Variants in SSR4 observed in about 807,000 individuals in gnomAD.
SSR4 encodes signal sequence receptor subunit 4, also known as translocon-associated protein subunit delta.
For missense variants in SSR4, 125 were observed against 148.8 expected, an observed-to-expected ratio of 0.84 and a Z score of 0.83; for synonymous variants, 84 against 65.6, an observed-to-expected ratio of 1.28 and a Z score of -1.35.
In SSR4 at chrX:153,796,508, G is replaced by A. The variant is rs782739266; in HGVS notation, c.142G>A (p.Val48Ile). The A allele has an allele frequency of 9.1e-6, 11 of 1,210,478 alleles. No homozygotes were observed. The highest frequency in any genetic ancestry group is 2.2e-5 in the Admixed American group (1 of 46,058). The change falls in exon 2 of 6, where the codon GTC (valine) becomes ATC (isoleucine). Residue 48 changes from valine (V) to isoleucine (I), a missense_variant. Transcript: ENST00000370086. ...TSDAVISTET[V>I]FIVEISLTCK... ...TGACGCTGTCATTTCCACTGAGACC[G>A]TCTTCATTGTGGAGATCTCCCTGAC...
chrX:153,798,286 ACCTGTACTCC>A (rs781944138), intron 5 of SSR4, 33 bp from the exon 6 acceptor site: 1 of 1,200,499 alleles, frequency 8.3e-7, no homozygotes, highest in Non-Finnish European at 1.1e-6. Flanking sequence ...TGGTCTGCTC[ACCTGTACTCC>A]CCTGAGCTGG....
chrX:153,794,389 G>A, upstream of SSR4: 3 of 1,153,158 alleles, frequency 2.6e-6, no homozygotes, highest in African/African-American at 1.8e-5. Context: ...AGAGTTCGAC[G>A]GGGTGCGAAG....
At chrX:153,797,267 C>A in intron 2 of SSR4, 191 bp from the exon 3 acceptor site, 1 of 450,044 alleles carries the variant, frequency 2.2e-6, no homozygotes, top group Non-Finnish European at 4.0e-6. Context: ...CTTGTGCCCC[C>A]GTAGGGAAGA....
chrX:153,798,297 C>G (rs1557073291), intron 5 of SSR4, 32 bp from the exon 6 acceptor site: 1 of 1,202,003 alleles, frequency 8.3e-7, no homozygotes, highest in African/African-American at 1.7e-5. Flanking sequence ...CCTGTACTCC[C>G]CTGAGCTGGC....
chrX:153,798,085 C>T lies in SSR4; in HGVS notation c.366C>T (p.Asn122=), dbSNP rs782276992. 3.1e-5 allele frequency: 32 copies of T among 1,022,831 alleles called. No homozygotes were observed. The East Asian group carries it at 8.4e-4, about 27-fold the overall frequency. The allele number at this position is 1,022,831 out of a possible 1,213,427, so 84.3% of individuals were successfully genotyped here. The change falls in exon 5 of 6, where the codon AAC becomes AAT. Residue 122 remains asparagine, a synonymous_variant. Coordinates refer to ENST00000370086, the MANE Select transcript of SSR4 (RefSeq NM_006280.3). ...CTCCCTTGCAGGCTCAGAGGAATAA[C>T]GAGGACATTTCCATCATCCCGCCTC... ...YSLLRKAQRN[N]EDISIIPPLF...
rs2092128660 is a variant in SSR4, at chrX:153,794,712, G to T, written c.25G>T (p.Ala9Ser). The T allele has an allele frequency of 8.3e-7, 1 of 1,212,018 alleles. No homozygotes were observed. Among genetic ancestry groups the T allele is most frequent in the Non-Finnish European group, 1.1e-6 (1 of 895,476 alleles). The change falls in exon 1 of 6, where the codon GCC becomes TCC. Residue 9 changes from alanine (A) to serine (S), a missense_variant. Ala to Ser is a moderately conservative substitution (Grantham distance 99, BLOSUM62 1). Transcript: ENST00000370086. The stretch of plus-strand genomic sequence containing the variant: ...GATGGCGGCGATGGCATCTCTCGGC[G>T]CCCTGGCGCTGCTCCTGCTGTCCAG... MAAMASLG[A>S]LALLLLSSLS... is the part of the protein sequence containing the mutation.
chrX:153,797,676 G>A, intron 3 of SSR4, 49 bp from the exon 4 acceptor site: 1 of 1,147,698 alleles, frequency 8.7e-7, no homozygotes, highest in South Asian at 1.8e-5. Context: ...TGGTCAGGGT[G>A]GCCCCTCCGT....
At chrX:153,795,842 A>G (rs2092136975) in intron 1 of SSR4, 1 of 754,921 alleles carries the variant, frequency 1.3e-6, no homozygotes, top group South Asian at 6.7e-5. Context: ...GCCTCTGGTT[A>G]TGGAGAAGGC....
At position 153,797,568 on chromosome X, in the gene SSR4, C is replaced by T. The variant is rs782117485; in HGVS notation, c.261+36C>T. The T allele has an allele frequency of 2.1e-4, 245 of 1,180,025 alleles. 2 individuals carry two copies. The East Asian group carries it at 6.4e-3, about 31-fold the overall frequency. On this transcript the variant is annotated intron_variant, in intron 3 of 5. Coordinates refer to ENST00000370086, the MANE Select transcript of SSR4 (RefSeq NM_006280.3). ...AATGGTTCCCTTGCTAGGGGGCTCC[C>T]TGCTCCCGGGTGTGACCTGAAGCCC...
upstream of SSR4, chrX:153,794,341 G>A (rs782574605): frequency 7.6e-6 from 9 of 1,186,314 alleles, no homozygotes; most frequent in South Asian, 1.1e-4. Flanking sequence ...GAAAGTGAGA[G>A]CCTCCGCACG....
In SSR4 at chrX:153,798,121, C is replaced by T. The variant is rs2092154034; in HGVS notation, c.402C>T (p.Val134=). The T allele has an allele frequency of 8.3e-7, 1 of 1,210,390 alleles. No homozygotes were observed. The highest frequency in any genetic ancestry group is 2.2e-5 in the Admixed American group (1 of 45,915). Reference sequence around the variant, plus strand: ...CCATCATCCCGCCTCTGTTTACAGTCAGCGTGGACCATCGGGTGAGTGGCC... The same window carrying T: ...CCATCATCCCGCCTCTGTTTACAGTTAGCGTGGACCATCGGGTGAGTGGCC... The part of the protein sequence containing the change: ...DISIIPPLFT[V]SVDHRGTWNG... Residue 134 remains valine (V), a synonymous_variant, in exon 5 of 6, where the codon GTC becomes GTT. Coordinates refer to ENST00000370086, the MANE Select transcript of SSR4 (RefSeq NM_006280.3).
In SSR4 at chrX:153,794,741, C is replaced by T; in HGVS notation, c.54C>T (p.Leu18=). The T allele has an allele frequency of 8.3e-7, 1 of 1,211,534 alleles. No homozygotes were observed. The highest frequency in any genetic ancestry group is 1.1e-6 in the Non-Finnish European group (1 of 895,287). ...TGGCGCTGCTCCTGCTGTCCAGCCTCTCCCGCTGCTCAGGTAGCGGCCCAG... is the reference window on the plus strand; with the variant it reads ...TGGCGCTGCTCCTGCTGTCCAGCCTTTCCCGCTGCTCAGGTAGCGGCCCAG... ...GALALLLLSS[L]SRCSAEACLE... is the part of the protein sequence containing the mutation. Residue 18 remains leucine, a synonymous_variant, in exon 1 of 6, where the codon CTC becomes CTT. Transcript: ENST00000370086.
chrX:153,794,300 G>A (rs1557071383), upstream of SSR4: 1 of 1,198,614 alleles, frequency 8.3e-7, no homozygotes, highest in Non-Finnish European at 1.1e-6. Context: ...CGGCGCTGCC[G>A]GCGACGGTCG....
At chrX:153,795,029 G>A in intron 1 of SSR4, 1 of 385,509 alleles carries the variant, frequency 2.6e-6, no homozygotes, top group Non-Finnish European at 4.5e-6. Context: ...CGTGACACAT[G>A]TCCCGGCTCC....
intron 5 of SSR4, 44 bp downstream of exon 5, chrX:153,798,180 A>C: frequency 8.4e-7 from 1 of 1,184,594 alleles, no homozygotes; most frequent in Non-Finnish European, 1.1e-6. Flanking sequence ...TGTTGGGCTG[A>C]GTGAAGGTTA....
chrX:153,796,397 C>A, intron 1 of SSR4, 37 bp from the exon 2 acceptor site: 1 of 1,032,734 alleles, frequency 9.7e-7, no homozygotes, highest in Non-Finnish European at 1.4e-6. Flanking sequence ...GATACTCGAG[C>A]TGGCCTTACC....
Position 153,797,772 on chromosome X carries a change from G to A in SSR4, c.309G>A (p.Glu103=). ...AGAGCGCCCACGCAGGCACCTATGA[G>A]GTTAGATTCTTCGACGAGGAGTCCT... ...DHKSAHAGTY[E]VRFFDEESYS... is the part of the protein sequence containing the mutation. Residue 103 remains glutamate, a synonymous_variant, in exon 4 of 6, where the codon GAG becomes GAA. Coordinates refer to ENST00000370086, the MANE Select transcript of SSR4 (RefSeq NM_006280.3). 1.7e-6 allele frequency: 2 copies of A among 1,210,405 alleles called. No individual in the cohort carries two copies. The highest frequency in any genetic ancestry group is 2.2e-6 in the Non-Finnish European group (2 of 894,993).
At chrX:153,798,000 T>TACC in intron 4 of SSR4, 71 bp from the exon 5 acceptor site, 1 of 703,964 alleles carries the variant, frequency 1.4e-6, no homozygotes, top group Non-Finnish European at 2.3e-6. Context: ...TACCTGTCTT[T>TACC]CCCCTCCCCT....
At chrX:153,795,189 G>A in intron 1 of SSR4, 1 of 146,841 alleles carries the variant, frequency 6.8e-6, no homozygotes. Context: ...AGCCAAAGGT[G>A]CGCAGGGCCT....
Sources: allele counts gnomAD v4.1 joint callset, GRCh38; gene constraint gnomAD v4.1.1; transcripts MANE v1.5; gene names NCBI Gene and HGNC (gene_info 2026-07-23, HGNC 2026-07-21).